The following NAV3 variants were observed in gnomAD, a reference collection of about 807,000 sequenced individuals.
NAV3 encodes the protein pore membrane and/or filament interacting like protein 1.
NAV3 carries 87 observed loss-of-function variants against 244.7 expected under a neutral mutation model. The observed-to-expected ratio is 0.36, with a 90% CI of 0.30 to 0.42. NAV3 has a LOEUF of 0.42. Among genes scored for constraint, NAV3 ranks in the 20% least tolerant of loss-of-function variants. The pLI is 1.00. For synonymous variants in NAV3, 1,126 were observed against 1,042.2 expected (o/e 1.08, Z -1.55); for missense variants, 2,663 against 2,893.3 (o/e 0.92, Z 1.83).
chr12:77,994,710 T>G (rs1872058755), intron 5 of NAV3, 93 bp from the exon 6 acceptor site: 1 of 958,488 alleles, frequency 1.0e-6, no homozygotes, highest in African/African-American at 1.6e-5. Flanking sequence ...TCCAATTGCA[T>G]TTCATTAATT....
intron 2 of NAV3, among the ~76,000 whole-genome samples, chr12:77,760,293 T>G (rs1024697880): frequency 6.6e-6 from 1 of 152,194 alleles, no homozygotes; most frequent in Non-Finnish European, 1.5e-5. Context: ...AGGCAATATC[T>G]TGGCCTTGGT....
rs1395302861 is a variant in NAV3 at position 77,735,144 on chromosome 12, C to T, written c.72+162878C>T. ...TCACATAATTGTAAGTATTTATGTA[C>T]AGTAGAATGAAGAGGATATTTAAAA... On this transcript the variant is annotated intron_variant, in intron 2 of 8. Coordinates refer to the NAV3 transcript ENST00000550042. 2.0e-5 allele frequency among the ~76,000 whole-genome samples: 3 copies of T among 151,884 alleles called. No homozygotes were observed. The East Asian group carries it at 5.8e-4, about 29-fold the overall frequency.
intron 5 of NAV3, among the ~76,000 whole-genome samples, chr12:77,976,813 G>A (rs890966377): frequency 1.8e-4 from 27 of 151,110 alleles, no homozygotes; most frequent in African/African-American, 6.1e-4. Context: ...CGAGTAGCTG[G>A]GACTACAGGC....
chr12:77,638,398 T>C (rs1460933507), intron 2 of NAV3, among the ~76,000 whole-genome samples: 1 of 152,222 alleles, frequency 6.6e-6, no homozygotes, highest in African/African-American at 2.4e-5. Context: ...AGTGTGCTTA[T>C]TGTCAGTTTA....
chr12:78,050,124 T>C (rs1168001716), intron 10 of NAV3, 23 bp downstream of exon 10: 8 of 1,500,164 alleles, frequency 5.3e-6, no homozygotes, highest in Non-Finnish European at 7.3e-6. Flanking sequence ...TTTGCATATA[T>C]TTGAGCCAAT....
chr12:77,892,560 T>C (rs1188444636), intron 1 of NAV3, among the ~76,000 whole-genome samples: 1 of 151,872 alleles, frequency 6.6e-6, no homozygotes, highest in East Asian at 1.9e-4. Context: ...GGACTACAGG[T>C]GCATGGCACA....
intron 2 of NAV3, among the ~76,000 whole-genome samples, chr12:77,643,288 TC>T (rs1238256589): frequency 3.3e-5 from 5 of 151,986 alleles, no homozygotes; most frequent in African/African-American, 1.2e-4. Flanking sequence ...AGTGTTTAAC[TC>T]TTAGTCACAT....
intron 1 of NAV3, among the ~76,000 whole-genome samples, chr12:77,845,659 T>C (rs1876500284): frequency 6.6e-6 from 1 of 150,484 alleles, no homozygotes; most frequent in African/African-American, 2.4e-5. Context: ...TACTTTTTTT[T>C]TTTTTTTTTT....
chr12:78,011,022 A>G (rs963033177), intron 8 of NAV3: 7 of 152,154 alleles, frequency 4.6e-5, no homozygotes, highest in African/African-American at 1.7e-4. Flanking sequence ...AATTATCTCT[A>G]CAGAGTGATA....
chr12:77,847,245 C>G (rs1876795666), intron 1 of NAV3, among the ~76,000 whole-genome samples: 1 of 152,178 alleles, frequency 6.6e-6, no homozygotes, highest in Admixed American at 6.5e-5. Context: ...AGAGGCATTT[C>G]TGTGTGTGAG....
At chr12:78,183,484 C>G (rs1276854278) in intron 30 of NAV3, among the ~76,000 whole-genome samples, 2 of 151,936 alleles carry the variant, frequency 1.3e-5, no homozygotes, top group African/African-American at 4.8e-5. Flanking sequence ...AGGAAAGTGA[C>G]TGTAACAATT....
chr12:78,052,908 T>C (rs1374570060), intron 11 of NAV3, among the ~76,000 whole-genome samples: 1 of 151,998 alleles, frequency 6.6e-6, no homozygotes, highest in Non-Finnish European at 1.5e-5. Context: ...AGTATACCCA[T>C]ATAATATATA....
At chr12:78,042,533 C>G (rs1881041651) in intron 9 of NAV3, among the ~76,000 whole-genome samples, 1 of 152,222 alleles carries the variant, frequency 6.6e-6, no homozygotes, top group Admixed American at 6.5e-5. Flanking sequence ...TGGCTCACGC[C>G]TGAAATCCCA....
chr12:78,173,375 C>A (rs1016454700), intron 24 of NAV3, among the ~76,000 whole-genome samples: 1 of 151,544 alleles, frequency 6.6e-6, no homozygotes, highest in African/African-American at 2.4e-5. Flanking sequence ...AAGTCAAACA[C>A]AATTTATTAA....
intron 2 of NAV3, among the ~76,000 whole-genome samples, chr12:77,582,647 C>T (rs1380800421): frequency 2.6e-5 from 4 of 152,156 alleles, no homozygotes; most frequent in African/African-American, 9.7e-5. Flanking sequence ...TTTTGCCAGC[C>T]CATCAGCCAC....
At chr12:77,695,540 T>A (rs1364221138) in intron 2 of NAV3, among the ~76,000 whole-genome samples, 1 of 152,162 alleles carries the variant, frequency 6.6e-6, no homozygotes, top group Non-Finnish European at 1.5e-5. Flanking sequence ...CCATGCTGTT[T>A]TGGTTACTGT....
At chr12:78,200,100 G>T (rs887240486) in intron 37 of NAV3, among the ~76,000 whole-genome samples, 1 of 152,054 alleles carries the variant, frequency 6.6e-6, no homozygotes, top group Admixed American at 6.6e-5. Flanking sequence ...TTAGGAAGAA[G>T]AATTCTACAC....
At chr12:78,138,792 TA>T (rs1407132476) in intron 19 of NAV3, among the ~76,000 whole-genome samples, 1 of 152,232 alleles carries the variant, frequency 6.6e-6, no homozygotes, top group Non-Finnish European at 1.5e-5. Flanking sequence ...CAGGATTAAA[TA>T]ATCTGAATTT....
intron 5 of NAV3, among the ~76,000 whole-genome samples, chr12:77,972,508 A>G (rs1893081050): frequency 6.6e-6 from 1 of 152,144 alleles, no homozygotes; most frequent in South Asian, 2.1e-4. Context: ...ATATTCCGAA[A>G]TATTAAGCAT....
Sources: gnomAD v4.1 joint callset for allele counts (sites outside exome capture counted in the v4.1 genomes callset) on GRCh38, gnomAD v4.1.1 for gene constraint, MANE v1.5 for transcripts, NCBI Gene and HGNC (gene_info 2026-07-23, HGNC 2026-07-21) for gene names.